The following SLC9A9 variants were observed in gnomAD, a reference collection of about 807,000 sequenced individuals.
SLC9A9 encodes solute carrier family 9 member A9.
A neutral mutation model predicts 77.8 loss-of-function variants in SLC9A9; 62 were observed. The ratio of observed to expected loss-of-function variants is 0.80; its 90% CI spans 0.65 to 0.98. The LOEUF (loss-of-function observed/expected upper bound fraction) is 0.98. Ranked by LOEUF, SLC9A9 falls within the 50% of genes least tolerant of loss-of-function variation. The probability of loss-of-function intolerance (pLI) is 0.00; values close to 1 mark genes in which losing one functional copy is unlikely to be tolerated. For synonymous variants in SLC9A9, 320 were observed against 283.5 expected (o/e 1.13, Z -1.29); for missense variants, 775 against 774.9 (o/e 1.00, Z 0.00).
intron 12 of SLC9A9, among the ~76,000 whole-genome samples, chr3:143,404,013 A>C (rs1025799942): frequency 2.0e-5 from 3 of 151,242 alleles, no homozygotes; most frequent in African/African-American, 7.3e-5. Flanking sequence ...TTTTCTTCTT[A>C]TTTTGTTCTT....
intron 14 of SLC9A9, among the ~76,000 whole-genome samples, chr3:143,273,840 A>G (rs563752466): frequency 3.6e-4 from 55 of 152,366 alleles, no homozygotes; most frequent in Admixed American, 1.5e-3. Flanking sequence ...TGACTGATCA[A>G]GTGAATTTGG....
intron 15 of SLC9A9, among the ~76,000 whole-genome samples, chr3:143,267,818 A>C (rs2108394504): frequency 6.6e-6 from 1 of 152,374 alleles, no homozygotes; most frequent in South Asian, 2.1e-4. Flanking sequence ...GAAAGAATTA[A>C]GATCCCAACT....
In SLC9A9 at chr3:143,363,444, C is replaced by G. The variant is rs776489248; in HGVS notation, c.1604+40G>C. 3.2e-6 allele frequency: 5 copies of G among 1,576,402 alleles called. No homozygotes were observed. The South Asian group carries it at 4.4e-5, about 14-fold the overall frequency. ...TTAAGAGCTTAAAGTAATTCTCTGC[C>G]TGCAGCAGGATCTGTGAGATCGTTA... On this transcript the variant is annotated intron_variant, in intron 14 of 15. Transcript: ENST00000316549.
At chr3:143,490,254 C>T (rs879299637) in intron 11 of SLC9A9, among the ~76,000 whole-genome samples, 1 of 152,122 alleles carries the variant, frequency 6.6e-6, no homozygotes, top group Non-Finnish European at 1.5e-5. Flanking sequence ...CAATAGCTAA[C>T]ATGTGAAAGG....
chr3:143,623,920 T>A (rs2038269248), intron 6 of SLC9A9, among the ~76,000 whole-genome samples: 1 of 152,008 alleles, frequency 6.6e-6, no homozygotes, highest in African/African-American at 2.4e-5. Context: ...CAATAAAAAA[T>A]GATAAAGGGG....
intron 12 of SLC9A9, among the ~76,000 whole-genome samples, chr3:143,410,388 C>G (rs2034069893): frequency 6.6e-6 from 1 of 152,198 alleles, no homozygotes; most frequent in African/African-American, 2.4e-5. Flanking sequence ...TTCAACTTGT[C>G]TGACCTCTCA....
At chr3:143,449,891 A>T (rs1169014804) in intron 12 of SLC9A9, among the ~76,000 whole-genome samples, 1 of 64,152 alleles carries the variant, frequency 1.6e-5, no homozygotes, top group Non-Finnish European at 2.5e-5. Context: ...TAAATATATA[A>T]TTATATAACA....
At chr3:143,736,845 C>T (rs960512320) in intron 4 of SLC9A9, among the ~76,000 whole-genome samples, 3 of 152,198 alleles carry the variant, frequency 2.0e-5, no homozygotes, top group Admixed American at 6.5e-5. Flanking sequence ...GCTAGGCTGT[C>T]AGCTAATCAC....
intron 13 of SLC9A9, among the ~76,000 whole-genome samples, chr3:143,378,260 T>C (rs1316747989): frequency 2.0e-5 from 3 of 152,228 alleles, no homozygotes; most frequent in African/African-American, 4.8e-5. Flanking sequence ...TACCAAGAAT[T>C]ACTTGTATGA....
intron 2 of SLC9A9, among the ~76,000 whole-genome samples, chr3:143,801,826 A>T (rs2008568512): frequency 6.6e-6 from 1 of 152,154 alleles, no homozygotes; most frequent in Admixed American, 6.5e-5. Flanking sequence ...GTCAATATTT[A>T]TGCTGACTCT....
At chr3:143,388,596 A>G (rs1475431352) in intron 12 of SLC9A9, among the ~76,000 whole-genome samples, 2 of 152,236 alleles carry the variant, frequency 1.3e-5, no homozygotes, top group African/African-American at 4.8e-5. Flanking sequence ...GGAAGCACTC[A>G]TGAAATATTA....
At chr3:143,314,551 A>G (rs1406992229) in intron 14 of SLC9A9, 1 of 152,282 alleles carries the variant, frequency 6.6e-6, no homozygotes, top group East Asian at 1.9e-4. Context: ...CTCAGAATTT[A>G]AAACAAAGCT....
intron 4 of SLC9A9, among the ~76,000 whole-genome samples, chr3:143,747,233 G>A (rs879586851): frequency 7.9e-5 from 12 of 151,824 alleles, no homozygotes; most frequent in Admixed American, 4.6e-4. Context: ...GTGAAACCCC[G>A]TCTCTACTAA....
At chr3:143,837,878 C>G (rs1213482842) in intron 1 of SLC9A9, among the ~76,000 whole-genome samples, 1 of 152,156 alleles carries the variant, frequency 6.6e-6, no homozygotes, top group African/African-American at 2.4e-5. Flanking sequence ...GGTTAGGACA[C>G]CAGGCACTGG....
intron 6 of SLC9A9, among the ~76,000 whole-genome samples, chr3:143,601,677 G>T (rs1343145586): frequency 2.0e-5 from 3 of 152,212 alleles, no homozygotes; most frequent in East Asian, 3.9e-4. Context: ...CAGCGCTGCA[G>T]ATTTCAAATA....
chr3:143,552,865 T>C (rs62269780), intron 8 of SLC9A9, among the ~76,000 whole-genome samples: 32,325 of 152,184 alleles, frequency 0.21, 3,432 homozygotes, highest in African/African-American at 0.22. Context: ...TGCTTTCCGC[T>C]GTATACTTTG....
At chr3:143,279,027 A>G (rs1443544860) in intron 14 of SLC9A9, among the ~76,000 whole-genome samples, 2 of 146,184 alleles carry the variant, frequency 1.4e-5, no homozygotes, top group African/African-American at 5.6e-5. Flanking sequence ...CATAATAAGC[A>G]TTCTATAAAC....
chr3:143,667,693 A>C (rs926649174), intron 5 of SLC9A9, among the ~76,000 whole-genome samples: 1 of 152,250 alleles, frequency 6.6e-6, no homozygotes, highest in Non-Finnish European at 1.5e-5. Flanking sequence ...GACACTTCTC[A>C]AAAGAAGACA....
chr3:143,741,810 A>G (rs974998129), intron 4 of SLC9A9, among the ~76,000 whole-genome samples: 5 of 152,132 alleles, frequency 3.3e-5, no homozygotes, highest in African/African-American at 7.2e-5. Flanking sequence ...AGACAGTGAA[A>G]GAGATCTAAC....
Sources: gnomAD v4.1 joint callset for allele counts (sites outside exome capture counted in the v4.1 genomes callset) on GRCh38, gnomAD v4.1.1 for gene constraint, MANE v1.5 for transcripts, NCBI Gene and HGNC (gene_info 2026-07-23, HGNC 2026-07-21) for gene names.